Variants in UGGT1 observed in about 807,000 individuals in gnomAD.
The protein encoded by UGGT1 is UDP-glucose glycoprotein glucosyltransferase 1.
In UGGT1, 107 loss-of-function variants were observed where a neutral mutation model predicts 203.9. The observed-to-expected ratio is 0.52, with a 90% CI of 0.45 to 0.62. UGGT1 has a LOEUF of 0.62. Ranked by LOEUF, UGGT1 falls within the 20% of genes least tolerant of loss-of-function variation. The pLI, the probability that UGGT1 is intolerant of heterozygous loss-of-function variation, is 0.00. For missense variants in UGGT1, 1,673 were observed against 1,867.2 expected, an observed-to-expected ratio of 0.90 and a Z score of 1.92; for synonymous variants, 628 against 653.5, an observed-to-expected ratio of 0.96 and a Z score of 0.59.
intron 27 of UGGT1, among the ~76,000 whole-genome samples, chr2:128,170,789 T>C (rs1334005885): frequency 6.6e-6 from 1 of 152,248 alleles, no homozygotes; most frequent in Non-Finnish European, 1.5e-5. Context: ...TGTGTTACAA[T>C]TTTAGGACAT....
intron 26 of UGGT1, among the ~76,000 whole-genome samples, chr2:128,166,227 G>C (rs186167900): frequency 1.3e-5 from 2 of 152,284 alleles, no homozygotes; most frequent in African/African-American, 4.8e-5. Flanking sequence ...CTGCACACGT[G>C]CATGTTGTGT....
Position 128,137,105 on chromosome 2 carries a change from C to G in UGGT1, c.1584-1612C>G, listed in dbSNP as rs1689162464. Among the ~76,000 whole-genome samples the G allele has an allele frequency of 2.0e-5, 3 of 151,674 alleles. No individual in the cohort carries two copies. The South Asian group carries it at 6.2e-4, about 31-fold the overall frequency. ...CCATTTTTAAAACTTTGGTTGTTTT[C>G]TTATTGTTGAGTTTTAAGAGTTCTT... On this transcript the variant is annotated intron_variant, in intron 15 of 40. Coordinates refer to ENST00000259253, the MANE Select transcript of UGGT1 (RefSeq NM_020120.4).
chr2:128,110,165 C>A (rs890494012), intron 5 of UGGT1, among the ~76,000 whole-genome samples: 9 of 152,124 alleles, frequency 5.9e-5, no homozygotes, highest in African/African-American at 1.9e-4. Context: ...AAGATAATTG[C>A]AGGCTTGATT....
At chr2:128,127,945 G>A (rs1688677188) in intron 12 of UGGT1, among the ~76,000 whole-genome samples, 1 of 152,054 alleles carries the variant, frequency 6.6e-6, no homozygotes, top group Non-Finnish European at 1.5e-5. Flanking sequence ...CTAGTAGTGT[G>A]TATCTGTAGT....
intron 1 of UGGT1, among the ~76,000 whole-genome samples, chr2:128,092,173 GA>G (rs1207968804): frequency 6.6e-6 from 1 of 151,058 alleles, no homozygotes; most frequent in Non-Finnish European, 1.5e-5. Context: ...GGCGTTTGAA[GA>G]CATTTTAAAT....
intron 2 of UGGT1, among the ~76,000 whole-genome samples, chr2:128,101,458 G>A (rs1687369731): frequency 6.6e-6 from 1 of 152,092 alleles, no homozygotes; most frequent in Non-Finnish European, 1.5e-5. Context: ...TTTAATTGAA[G>A]TAAAACACTA....
At chr2:128,172,331 AC>A (rs899610343) in intron 28 of UGGT1, among the ~76,000 whole-genome samples, 2 of 152,012 alleles carry the variant, frequency 1.3e-5, no homozygotes, top group African/African-American at 4.8e-5. Context: ...CTACGACATC[AC>A]CACAGGCCAC....
chr2:128,099,331 A>T (rs762781242), intron 2 of UGGT1, among the ~76,000 whole-genome samples: 1 of 151,860 alleles, frequency 6.6e-6, no homozygotes, highest in Non-Finnish European at 1.5e-5. Context: ...TTTTATAGAG[A>T]TGGGCTTTCA....
At chr2:128,167,979 A>C (rs1690879157) in intron 26 of UGGT1, among the ~76,000 whole-genome samples, 1 of 152,128 alleles carries the variant, frequency 6.6e-6, no homozygotes, top group South Asian at 2.1e-4. Context: ...TCTTGTGTAG[A>C]GTCCTTTTTG....
intron 22 of UGGT1, among the ~76,000 whole-genome samples, 191 bp downstream of exon 22, chr2:128,157,537 G>C (rs930970300): frequency 2.0e-5 from 3 of 152,140 alleles, no homozygotes; most frequent in Non-Finnish European, 4.4e-5. Context: ...CAGTATCCAG[G>C]CTTTGTTGAA....
intron 3 of UGGT1, among the ~76,000 whole-genome samples, chr2:128,107,285 AT>A (rs983786911): frequency 1.3e-5 from 2 of 150,382 alleles, no homozygotes; most frequent in Non-Finnish European, 1.5e-5. Context: ...TCGTATTTGG[AT>A]TTTTTTTTCT....
At chr2:128,107,109 T>C (rs909241342) in intron 3 of UGGT1, among the ~76,000 whole-genome samples, 1 of 152,212 alleles carries the variant, frequency 6.6e-6, no homozygotes, top group Non-Finnish European at 1.5e-5. Flanking sequence ...TCTTTCCTGC[T>C]TTTTATAACA....
intron 18 of UGGT1, among the ~76,000 whole-genome samples, chr2:128,149,419 C>T (rs1048421209): frequency 6.8e-5 from 10 of 147,076 alleles, no homozygotes; most frequent in South Asian, 4.3e-4. Flanking sequence ...CCGAGGCGGG[C>T]GGATAATGAG....
At chr2:128,125,616 G>A (rs1305550324) in intron 11 of UGGT1, among the ~76,000 whole-genome samples, 1 of 152,054 alleles carries the variant, frequency 6.6e-6, no homozygotes, top group Admixed American at 6.6e-5. Flanking sequence ...TAGCTCTAGT[G>A]ACATTTCAGT....
At chr2:128,099,118 T>G (rs899909678) in intron 2 of UGGT1, among the ~76,000 whole-genome samples, 1 of 152,106 alleles carries the variant, frequency 6.6e-6, no homozygotes, top group African/African-American at 2.4e-5. Context: ...TGGTCTGTCT[T>G]CTTCATCTTC....
At chr2:128,096,347 G>C (rs1300251929) in intron 1 of UGGT1, among the ~76,000 whole-genome samples, 3 of 152,192 alleles carry the variant, frequency 2.0e-5, no homozygotes, top group Non-Finnish European at 4.4e-5. Context: ...AAACTGGGTG[G>C]CTTAGAACAA....
chr2:128,158,241 A>G (rs2104732646), intron 22 of UGGT1, among the ~76,000 whole-genome samples: 1 of 152,326 alleles, frequency 6.6e-6, no homozygotes, highest in East Asian at 1.9e-4. Context: ...ATTGAAGTAA[A>G]ATGTAGGTTC....
intron 11 of UGGT1, 113 bp downstream of exon 11, chr2:128,123,359 T>G: frequency 3.3e-6 from 3 of 917,766 alleles, no homozygotes; most frequent in South Asian, 1.8e-5. Context: ...TCTAAGATGG[T>G]GATTTTTTCA....
chr2:128,190,663 C>CGTCAGG lies in UGGT1; in HGVS notation c.*940_*945dup, dbSNP rs892677539. ...TACTCAGCCCCTCTCGCATCCAGCC[C>CGTCAGG]GTCAGGGTCAGGGTCAGGGTCAGGC... On this transcript the variant is annotated 3_prime_UTR_variant, in exon 41 of 41. Transcript: ENST00000259253. 12 of 152,358 alleles carry CGTCAGG rather than the reference C, an allele frequency of 7.9e-5. No homozygotes were observed. The highest frequency in any genetic ancestry group is 7.7e-4 in the East Asian group (4 of 5,182). The allele number at this position is 152,358 out of a possible 1,614,324, so 9.4% of individuals were successfully genotyped here.
Sources: gnomAD v4.1 joint callset for allele counts (sites outside exome capture counted in the v4.1 genomes callset) on GRCh38, gnomAD v4.1.1 for gene constraint, MANE v1.5 for transcripts, NCBI Gene and HGNC (gene_info 2026-07-23, HGNC 2026-07-21) for gene names.